The following NAV3 variants were observed in gnomAD, a reference collection of about 807,000 sequenced individuals.
NAV3 encodes pore membrane and/or filament interacting like protein 1.
NAV3 carries 87 observed loss-of-function variants against 244.7 expected under a neutral mutation model. That is an observed-to-expected ratio of 0.36 (90% CI 0.30 to 0.42). The LOEUF is 0.42. NAV3 is among the 20% of genes least tolerant of loss of function. The pLI, the probability that NAV3 is intolerant of heterozygous loss-of-function variation, is 1.00. For missense variants in NAV3, 2,663 were observed against 2,893.3 expected, an observed-to-expected ratio of 0.92 and a Z score of 1.83; for synonymous variants, 1,126 against 1,042.2, an observed-to-expected ratio of 1.08 and a Z score of -1.55.
intron 9 of NAV3, among the ~76,000 whole-genome samples, chr12:78,045,378 C>A (rs1881607391): frequency 1.3e-5 from 2 of 152,156 alleles, no homozygotes; most frequent in South Asian, 2.1e-4. Flanking sequence ...TCACTGCAAC[C>A]TCCGCCTCCT....
At chr12:77,690,224 T>C (rs1397435581) in intron 2 of NAV3, among the ~76,000 whole-genome samples, 2 of 151,966 alleles carry the variant, frequency 1.3e-5, no homozygotes, top group African/African-American at 4.8e-5. Context: ...TTCTGATGCA[T>C]ATGGTTCCTA....
At chr12:78,206,025 C>G (rs1025545755) in intron 39 of NAV3, among the ~76,000 whole-genome samples, 5 of 152,046 alleles carry the variant, frequency 3.3e-5, no homozygotes, top group African/African-American at 1.2e-4. Flanking sequence ...ACACACACAT[C>G]ATCATCATCA....
chr12:77,988,260 G>T (rs911840090), intron 5 of NAV3, among the ~76,000 whole-genome samples: 9 of 152,104 alleles, frequency 5.9e-5, no homozygotes, highest in Non-Finnish European at 1.0e-4. Context: ...CAGTGTTGTT[G>T]GTCTACAGAC....
chr12:77,825,772 C>T (rs1872959078), intron 2 of NAV3, among the ~76,000 whole-genome samples: 1 of 151,976 alleles, frequency 6.6e-6, no homozygotes, highest in Admixed American at 6.6e-5. Flanking sequence ...AGGACAAAAT[C>T]TATTCAAATA....
chr12:77,917,356 A>T (rs1887250074), intron 1 of NAV3, among the ~76,000 whole-genome samples: 1 of 151,996 alleles, frequency 6.6e-6, no homozygotes, highest in African/African-American at 2.4e-5. Context: ...CTTCATTATT[A>T]TTTTAAATAT....
intron 2 of NAV3, among the ~76,000 whole-genome samples, chr12:77,766,337 A>G (rs1287210722): frequency 2.6e-5 from 4 of 152,212 alleles, no homozygotes; most frequent in South Asian, 4.1e-4. Flanking sequence ...TTCCTCTCAA[A>G]GGAAAACTTA....
chr12:77,940,219 C>A, intron 1 of NAV3, 100 bp from the exon 2 acceptor site: 1 of 830,918 alleles, frequency 1.2e-6, no homozygotes. Flanking sequence ...GGAATGTGAT[C>A]CAGAATAGCT....
chr12:78,062,179 A>G (rs1342956771), intron 12 of NAV3, among the ~76,000 whole-genome samples: 1 of 152,160 alleles, frequency 6.6e-6, no homozygotes, highest in Non-Finnish European at 1.5e-5. Context: ...TATCCAATCC[A>G]TCTTTTTATC....
chr12:77,956,653 T>A (rs1360825376), intron 3 of NAV3, among the ~76,000 whole-genome samples: 3 of 152,188 alleles, frequency 2.0e-5, no homozygotes, highest in African/African-American at 7.2e-5. Flanking sequence ...TGAACAGTTT[T>A]CCTTATAGTT....
intron 23 of NAV3, among the ~76,000 whole-genome samples, chr12:78,163,699 G>A (rs908779859): frequency 9.9e-5 from 15 of 152,126 alleles, no homozygotes; most frequent in Admixed American, 7.9e-4. Flanking sequence ...CTGTAAGTAG[G>A]TAAAAATTAA....
Position 77,816,190 on chromosome 12 carries a change from C to T in NAV3, c.73-124129C>T, listed in dbSNP as rs561022098. ...AATGAAGACTGTTACAAATACTAGA[C>T]ACAGAAGGTCTGGAAACATAGACCA... On this transcript the variant is annotated intron_variant, in intron 2 of 8. Transcript: ENST00000550042. Among the ~76,000 whole-genome samples the T allele has an allele frequency of 8.5e-5, 13 of 152,258 alleles. No individual in the cohort carries two copies. The East Asian group carries it at 2.5e-3, about 29-fold the overall frequency.
intron 1 of NAV3, among the ~76,000 whole-genome samples, chr12:77,888,192 T>C (rs1378870166): frequency 6.6e-6 from 1 of 152,110 alleles, no homozygotes; most frequent in East Asian, 1.9e-4. Flanking sequence ...GTTATCATTG[T>C]ATACAATTAT....
chr12:77,933,309 C>G (rs980973622), intron 1 of NAV3, among the ~76,000 whole-genome samples: 7 of 151,704 alleles, frequency 4.6e-5, no homozygotes, highest in South Asian at 2.1e-4. Context: ...GAGAAGCGAC[C>G]CAGGGCAATG....
chr12:78,064,426 T>TCTGTCTGTCTGTCTGTCTGCCTGC lies in NAV3; in HGVS notation c.2636+5314_2636+5315insTCTGTCTGTCTGTCTGCCTGCCTG, dbSNP rs66686266. 5.9e-5 allele frequency among the ~76,000 whole-genome samples: 8 copies of TCTGTCTGTCTGTCTGTCTGCCTGC among 136,292 alleles called. No homozygotes were observed. In the South Asian group the frequency reaches 1.3e-3, roughly 22 times the overall value. The allele number at this position is 136,292 out of a possible 152,430, so 89.4% of individuals were successfully genotyped here. A position where few individuals can be genotyped will look rare whatever the true frequency, so the allele number is the denominator to read the frequency against. On this transcript the variant is annotated intron_variant, in intron 12 of 39. Transcript: ENST00000397909. ...GTCTGTCTGTCTGTCTGTCTGTCTG[T>TCTGTCTGTCTGTCTGTCTGCCTGC]CTGCCTGCCTGCCTGCCTGCCTGCC...
chr12:77,672,400 T>A (rs1385204770), intron 2 of NAV3, among the ~76,000 whole-genome samples: 2 of 152,060 alleles, frequency 1.3e-5, no homozygotes, highest in Admixed American at 1.3e-4. Flanking sequence ...TAGGTAGATA[T>A]CTACCCAGAG....
rs570188730 is a variant in NAV3, at chr12:77,814,551, G to A, written c.73-125768G>A. On this transcript the variant is annotated intron_variant, in intron 2 of 8. Transcript: ENST00000550042. ...GAGCCAATTAAAACAGCTGATGTGT[G>A]GTAAGCAGAGGCAGTTAAAGAAGGG... is the stretch of plus-strand genomic sequence containing the variant. Among the ~76,000 whole-genome samples, 4 of 152,238 alleles carry A rather than the reference G, an allele frequency of 2.6e-5. No homozygotes were observed. In the South Asian group the frequency reaches 6.2e-4, roughly 24 times the overall value.
intron 2 of NAV3, among the ~76,000 whole-genome samples, chr12:77,746,457 T>C (rs1241919508): frequency 6.6e-6 from 1 of 152,144 alleles, no homozygotes; most frequent in Non-Finnish European, 1.5e-5. Flanking sequence ...AGGAGCTGTT[T>C]TCAATCTACC....
chr12:77,883,783 C>T (rs1882957618), intron 1 of NAV3, among the ~76,000 whole-genome samples: 1 of 152,028 alleles, frequency 6.6e-6, no homozygotes, highest in Non-Finnish European at 1.5e-5. Context: ...TTTGCTATCA[C>T]CAGTTGTTAC....
At chr12:77,659,284 G>C (rs9737874) in intron 2 of NAV3, among the ~76,000 whole-genome samples, 34,916 of 149,060 alleles carry the variant, frequency 0.23, 6,393 homozygotes, top group African/African-American at 0.51. Flanking sequence ...ACAACCCCAT[G>C]AAAAAGTGGG....
Sources: gnomAD v4.1 joint callset for allele counts (sites outside exome capture counted in the v4.1 genomes callset) on GRCh38, gnomAD v4.1.1 for gene constraint, MANE v1.5 for transcripts, NCBI Gene and HGNC (gene_info 2026-07-23, HGNC 2026-07-21) for gene names.